LDLRAD4: variants seen among roughly 807,000 people sequenced by gnomAD.
LDLRAD4 encodes low density lipoprotein receptor class A domain containing 4, also known as low-density lipoprotein receptor class A domain-containing protein 4.
A neutral mutation model predicts 17.0 loss-of-function variants in LDLRAD4; 5 were observed. That is an observed-to-expected ratio of 0.29 (90% CI 0.15 to 0.62). LDLRAD4 has a LOEUF of 0.62. Ranked by LOEUF, LDLRAD4 falls within the 20% of genes least tolerant of loss-of-function variation. The pLI, the probability that LDLRAD4 is intolerant of heterozygous loss-of-function variation, is 0.84. For missense variants in LDLRAD4, 340 were observed against 424.7 expected (o/e 0.80, Z 1.75); for synonymous variants, 168 against 171.8 (o/e 0.98, Z 0.17).
chr18:13,631,832 C>G (rs994005631), intron 4 of LDLRAD4, among the ~76,000 whole-genome samples: 1 of 152,148 alleles, frequency 6.6e-6, no homozygotes, highest in African/African-American at 2.4e-5. Context: ...GAGGCTGAGG[C>G]AGGAGAATCA....
At chr18:13,349,779 G>A (rs1033422439) in intron 1 of LDLRAD4, among the ~76,000 whole-genome samples, 4 of 151,800 alleles carry the variant, frequency 2.6e-5, no homozygotes, top group African/African-American at 9.7e-5. Context: ...GCTCTCCTTC[G>A]TCTCACCCCC....
chr18:13,257,178 A>G (rs1300301644), intron 1 of LDLRAD4, among the ~76,000 whole-genome samples: 1 of 152,248 alleles, frequency 6.6e-6, no homozygotes, highest in African/African-American at 2.4e-5. Flanking sequence ...CTGGCTCAGA[A>G]AGGCCTGAAC....
intron 3 of LDLRAD4, among the ~76,000 whole-genome samples, chr18:13,499,603 G>A (rs1468223966): frequency 3.3e-5 from 5 of 151,222 alleles, no homozygotes; most frequent in Non-Finnish European, 5.9e-5. Context: ...ACATCCTGCC[G>A]TGGACACTGG....
At chr18:13,237,327 C>T (rs774585456) in intron 1 of LDLRAD4, among the ~76,000 whole-genome samples, 1 of 152,218 alleles carries the variant, frequency 6.6e-6, no homozygotes, top group Non-Finnish European at 1.5e-5. Context: ...GGTGTCCTGG[C>T]TGCTTCCTCC....
At chr18:13,616,258 G>C (rs1301793662) in intron 3 of LDLRAD4, 4 of 151,804 alleles carry the variant, frequency 2.6e-5, no homozygotes, top group South Asian at 4.2e-4. Context: ...AGGTGGGGGG[G>C]GGGGGGTTGC....
At chr18:13,562,242 A>AGGTAGAGGGACTGTCTACCT (rs2094549311) in intron 3 of LDLRAD4, among the ~76,000 whole-genome samples, 2 of 152,212 alleles carry the variant, frequency 1.3e-5, no homozygotes, top group African/African-American at 2.4e-5. Flanking sequence ...ATGACAGTGC[A>AGGTAGAGGGACTGTCTACCT]GCTGTGTTTG....
chr18:13,611,525 T>C, intron 3 of LDLRAD4: 1 of 985,274 alleles, frequency 1.0e-6, no homozygotes, highest in African/African-American at 1.7e-5. Flanking sequence ...AACAAACTGT[T>C]TAGACCTCGG....
intron 3 of LDLRAD4, among the ~76,000 whole-genome samples, chr18:13,452,471 C>T (rs1385582107): frequency 2.0e-5 from 3 of 151,924 alleles, no homozygotes; most frequent in South Asian, 2.1e-4. Context: ...CAAGTCTCTG[C>T]GAGGGTAGGA....
intron 3 of LDLRAD4, among the ~76,000 whole-genome samples, chr18:13,585,775 T>C (rs1177623712): frequency 6.6e-6 from 1 of 152,200 alleles, no homozygotes; most frequent in African/African-American, 2.4e-5. Flanking sequence ...TGTGTGGAGA[T>C]TGCTGATTCC....
intron 3 of LDLRAD4, among the ~76,000 whole-genome samples, chr18:13,443,152 T>A (rs2091143764): frequency 6.6e-6 from 1 of 152,238 alleles, no homozygotes; most frequent in African/African-American, 2.4e-5. Flanking sequence ...CATTGCCATT[T>A]AGGGTAATAA....
chr18:13,230,444 T>C (rs969111229), intron 1 of LDLRAD4, among the ~76,000 whole-genome samples: 2 of 152,212 alleles, frequency 1.3e-5, no homozygotes, highest in Non-Finnish European at 2.9e-5. Context: ...TACTTATTTT[T>C]ACTCCATTTT....
At chr18:13,640,172 A>T (rs1355931382) in intron 4 of LDLRAD4, among the ~76,000 whole-genome samples, 4 of 151,208 alleles carry the variant, frequency 2.6e-5, no homozygotes, top group Non-Finnish European at 5.9e-5. Flanking sequence ...GGGCGCCTGT[A>T]GTCCCATCTA....
At chr18:13,250,803 A>G (rs2043190071) in intron 1 of LDLRAD4, among the ~76,000 whole-genome samples, 2 of 152,240 alleles carry the variant, frequency 1.3e-5, no homozygotes, top group South Asian at 2.1e-4. Flanking sequence ...CAAACCTTTA[A>G]AGAAGAATTC....
chr18:13,383,565 G>A (rs551740756), intron 1 of LDLRAD4, among the ~76,000 whole-genome samples: 10 of 152,322 alleles, frequency 6.6e-5, no homozygotes, highest in Admixed American at 3.9e-4. Context: ...GGCAAGCAGC[G>A]TTTGTTCAGC....
At chr18:13,373,155 ATGTGTGTGTG>A (rs35632499) in intron 1 of LDLRAD4, among the ~76,000 whole-genome samples, 1 of 149,558 alleles carries the variant, frequency 6.7e-6, no homozygotes, top group Non-Finnish European at 1.5e-5. Context: ...CAACTGTTTA[ATGTGTGTGTG>A]TGTGTGTGTG....
At chr18:13,233,505 GT>G (rs910731151) in intron 1 of LDLRAD4, among the ~76,000 whole-genome samples, 1 of 152,134 alleles carries the variant, frequency 6.6e-6, no homozygotes, top group African/African-American at 2.4e-5. Context: ...CCTGTGACCT[GT>G]TTGTCACTGT....
At chr18:13,225,855 T>G (rs2041754530) in intron 1 of LDLRAD4, among the ~76,000 whole-genome samples, 1 of 152,198 alleles carries the variant, frequency 6.6e-6, no homozygotes, top group African/African-American at 2.4e-5. Flanking sequence ...TTAAATATTC[T>G]CCAAAAATCC....
intron 1 of LDLRAD4, among the ~76,000 whole-genome samples, chr18:13,267,092 G>A (rs1257638713): frequency 1.3e-5 from 2 of 152,232 alleles, no homozygotes; most frequent in Admixed American, 6.5e-5. Context: ...TTATGAATGC[G>A]ACTGCTAACA....
chr18:13,300,326 C>G lies in LDLRAD4; in HGVS notation c.-383+22138C>G, dbSNP rs1214082486. Among the ~76,000 whole-genome samples, 3 of 152,236 alleles carry G rather than the reference C, an allele frequency of 2.0e-5. No individual in the cohort carries two copies. The highest frequency in any genetic ancestry group is 7.2e-5 in the African/African-American group (3 of 41,454). On this transcript the variant is annotated intron_variant, in intron 1 of 5. Transcript: ENST00000359446. The surrounding 1 kb of genome is among the most constrained non-coding windows in gnomAD (Gnocchi z 4.2). ...TGCTCTGCCTCAGCCACAAGGCCAC[C>G]TCACCAGGCAGAACAGATGGCAGTG...
Sources: gnomAD v4.1 joint callset for allele counts (sites outside exome capture counted in the v4.1 genomes callset) on GRCh38, gnomAD v4.1.1 for gene constraint, Gnocchi (gnomAD v3.1) non-coding constraint, MANE v1.5 for transcripts, NCBI Gene and HGNC (gene_info 2026-07-23, HGNC 2026-07-21) for gene names.